IGF1R: variants seen among roughly 807,000 people sequenced by gnomAD.
The protein encoded by IGF1R is insulin-like growth factor 1 receptor.
In IGF1R, 44 loss-of-function variants were observed where a neutral mutation model predicts 144.6. The ratio of observed to expected loss-of-function variants is 0.30; its 90% CI spans 0.24 to 0.39. The LOEUF (loss-of-function observed/expected upper bound fraction) is 0.39. IGF1R is among the 10% of genes least tolerant of loss of function. The probability of loss-of-function intolerance (pLI) is 1.00; values close to 1 mark genes in which losing one functional copy is unlikely to be tolerated. For missense variants in IGF1R, 1,355 were observed against 1,833.7 expected (o/e 0.74, Z 4.77); for synonymous variants, 795 against 722.8 (o/e 1.10, Z -1.60).
chr15:98,824,717 A>T (rs964092567), intron 2 of IGF1R, among the ~76,000 whole-genome samples: 1 of 152,150 alleles, frequency 6.6e-6, no homozygotes, highest in Non-Finnish European at 1.5e-5. Flanking sequence ...TTCCTTGATC[A>T]TCACTTACTA....
intron 20 of IGF1R, among the ~76,000 whole-genome samples, chr15:98,956,141 C>T (rs1023645872): frequency 4.6e-5 from 7 of 152,374 alleles, no homozygotes; most frequent in African/African-American, 9.6e-5. Flanking sequence ...TCCTTGTCCA[C>T]GTGTGGCCGG....
At position 98,880,411 on chromosome 15, in the gene IGF1R, C is replaced by T. The variant is rs74034269; in HGVS notation, c.641-10914C>T. Among the ~76,000 whole-genome samples, 1,512 of 152,282 alleles carry T rather than the reference C, an allele frequency of 9.9e-3. 19 individuals are homozygous for T. Among genetic ancestry groups the T allele is most frequent in the African/African-American group, 0.032 (1,325 of 41,546 alleles). On this transcript the variant is annotated intron_variant, in intron 2 of 20. Coordinates refer to ENST00000650285, the MANE Select transcript of IGF1R (RefSeq NM_000875.5). The stretch of plus-strand genomic sequence containing the variant: ...TCTTTTTTCTCAATACTCTGCCCAG[C>T]GTTGCGTGTTGGTTCCGGAGACTTA...
chr15:98,945,908 C>T (rs1183580209), intron 19 of IGF1R, among the ~76,000 whole-genome samples: 1 of 152,006 alleles, frequency 6.6e-6, no homozygotes, highest in Non-Finnish European at 1.5e-5. Flanking sequence ...TGCAGTTCAC[C>T]TCGACAAGCG....
chr15:98,835,139 A>C (rs1479597408), intron 2 of IGF1R, among the ~76,000 whole-genome samples: 3 of 146,592 alleles, frequency 2.0e-5, no homozygotes, highest in Non-Finnish European at 3.0e-5. Context: ...CCACCCCTAC[A>C]CCCACACACA....
At chr15:98,888,438 A>AGAGAGAGTGTGTGTGT (rs1555457179) in intron 2 of IGF1R, among the ~76,000 whole-genome samples, 53 of 143,454 alleles carry the variant, frequency 3.7e-4, no homozygotes, top group South Asian at 9.2e-4. Context: ...AGAGAGAGAG[A>AGAGAGAGTGTGTGTGT]GTGTGTGTGT....
chr15:98,840,800 C>T (rs921273374), intron 2 of IGF1R, among the ~76,000 whole-genome samples: 4 of 152,044 alleles, frequency 2.6e-5, no homozygotes, highest in African/African-American at 4.8e-5. Flanking sequence ...CTCAACCTCC[C>T]GAGTAGACTA....
chr15:98,947,683 A>G (rs35115159), intron 19 of IGF1R, among the ~76,000 whole-genome samples: 38,586 of 152,046 alleles, frequency 0.25, 5,189 homozygotes, highest in African/African-American at 0.34. Context: ...CAGTGGTTTG[A>G]TCTTCTAAAC....
intron 5 of IGF1R, among the ~76,000 whole-genome samples, chr15:98,902,564 C>T (rs955718146): frequency 1.1e-4 from 17 of 148,342 alleles, no homozygotes; most frequent in South Asian, 2.2e-4. Context: ...ATTACTGGCA[C>T]GCACCACCAC....
chr15:98,797,355 C>T (rs2056268304), intron 2 of IGF1R, among the ~76,000 whole-genome samples: 1 of 152,344 alleles, frequency 6.6e-6, no homozygotes, highest in African/African-American at 2.4e-5. Context: ...GGAAGGTAAA[C>T]CTGATGCCCG....
chr15:98,862,459 A>C (rs2012210526), intron 2 of IGF1R, among the ~76,000 whole-genome samples: 1 of 152,216 alleles, frequency 6.6e-6, no homozygotes, highest in Non-Finnish European at 1.5e-5. Flanking sequence ...AGGGCCCTCA[A>C]CTTGGGATGC....
Position 98,787,909 on chromosome 15 carries a change from G to A in IGF1R, c.640+79802G>A, listed in dbSNP as rs1355355959. Among the ~76,000 whole-genome samples, 4 of 152,192 alleles carry A rather than the reference G, an allele frequency of 2.6e-5. No homozygotes were observed. In the East Asian group the frequency reaches 7.7e-4, roughly 29 times the overall value. ...GTGTGAGAACATTGAATTTGGAGAG[G>A]GAAAGGGAGACAAAAGAGAAATGGG... On this transcript the variant is annotated intron_variant, in intron 2 of 20. Coordinates refer to ENST00000650285, the MANE Select transcript of IGF1R (RefSeq NM_000875.5).
chr15:98,933,360 T>C (rs1368407212), intron 15 of IGF1R, among the ~76,000 whole-genome samples: 1 of 152,212 alleles, frequency 6.6e-6, no homozygotes, highest in Non-Finnish European at 1.5e-5. Flanking sequence ...ATTCATTTTT[T>C]TGAGACAGGT....
intron 3 of IGF1R, among the ~76,000 whole-genome samples, chr15:98,892,601 C>T (rs2013984587): frequency 6.6e-6 from 1 of 151,176 alleles, no homozygotes; most frequent in Non-Finnish European, 1.5e-5. Flanking sequence ...AACTGGACTT[C>T]TATAAATTTG....
intron 10 of IGF1R, among the ~76,000 whole-genome samples, chr15:98,918,475 A>C (rs2151685519): frequency 6.6e-6 from 1 of 152,324 alleles, no homozygotes; most frequent in East Asian, 1.9e-4. Context: ...TCGAGAAATC[A>C]GTAAAGTGGG....
chr15:98,705,579 G>C (rs769561169), intron 1 of IGF1R, among the ~76,000 whole-genome samples: 4 of 152,166 alleles, frequency 2.6e-5, no homozygotes, highest in Admixed American at 1.3e-4. Context: ...AGAATTAGAT[G>C]ATATGAAGTT....
At chr15:98,792,015 C>G (rs1262987372) in intron 2 of IGF1R, among the ~76,000 whole-genome samples, 1 of 152,204 alleles carries the variant, frequency 6.6e-6, no homozygotes, top group African/African-American at 2.4e-5. Flanking sequence ...TTAGACAATT[C>G]TCCCTGTTTG....
At chr15:98,887,269 A>G (rs933458886) in intron 2 of IGF1R, among the ~76,000 whole-genome samples, 1 of 151,738 alleles carries the variant, frequency 6.6e-6, no homozygotes, top group African/African-American at 2.4e-5. Context: ...TCGGGGGACT[A>G]CTGCTCAGAT....
At chr15:98,665,097 A>G (rs1237167381) in intron 1 of IGF1R, among the ~76,000 whole-genome samples, 3 of 151,852 alleles carry the variant, frequency 2.0e-5, no homozygotes, top group East Asian at 3.9e-4. Flanking sequence ...AGCTGGGACT[A>G]CAGGCGTCCG....
At chr15:98,850,924 T>C (rs1034454970) in intron 2 of IGF1R, among the ~76,000 whole-genome samples, 1 of 152,062 alleles carries the variant, frequency 6.6e-6, no homozygotes, top group Non-Finnish European at 1.5e-5. Flanking sequence ...CAAATTAGAA[T>C]ATAACACCTT....
Sources: allele counts gnomAD v4.1 joint callset (sites outside exome capture counted in the v4.1 genomes callset), GRCh38; gene constraint gnomAD v4.1.1; transcripts MANE v1.5; gene names NCBI Gene and HGNC (gene_info 2026-07-23, HGNC 2026-07-21).